The following GARRE1 variants were observed in gnomAD, a reference collection of about 807,000 sequenced individuals.
The protein encoded by GARRE1 is granule associated Rac and RHOG effector 1.
GARRE1 carries 49 observed loss-of-function variants against 103.2 expected under a neutral mutation model. That is an observed-to-expected ratio of 0.47 (90% confidence interval 0.38 to 0.60). The LOEUF (loss-of-function observed/expected upper bound fraction) is 0.60. Among genes scored for constraint, GARRE1 ranks in the 20% least tolerant of loss-of-function variants. The pLI is 0.00. For missense variants in GARRE1, 1,199 were observed against 1,370.5 expected (o/e 0.87, Z 1.98); for synonymous variants, 505 against 532.8 (o/e 0.95, Z 0.72).
intron 7 of GARRE1, among the ~76,000 whole-genome samples, chr19:34,331,805 C>T (rs1264648691): frequency 6.6e-6 from 1 of 152,042 alleles, no homozygotes; most frequent in Non-Finnish European, 1.5e-5. Flanking sequence ...ACCAGCCTGG[C>T]CAATATGGCG....
intron 12 of GARRE1, among the ~76,000 whole-genome samples, chr19:34,350,399 C>T (rs768611220): frequency 1.3e-5 from 2 of 152,160 alleles, no homozygotes; most frequent in African/African-American, 2.4e-5. Flanking sequence ...ATGACTGATT[C>T]GACTTCTAAG....
chr19:34,349,063 G>A lies in GARRE1; in HGVS notation c.2735G>A (p.Ser912Asn), dbSNP rs1411530569. 1.9e-6 allele frequency: 3 copies of A among 1,612,568 alleles called. No homozygotes were observed. The African/African-American group carries it at 4.0e-5, about 22-fold the overall frequency. Residue 912 changes from serine to asparagine, a missense_variant, in exon 12 of 14, where the codon AGC becomes AAC. By Grantham distance (46) the Ser-to-Asn change is conservative (BLOSUM62 1). Coordinates refer to ENST00000299505, the MANE Select transcript of GARRE1 (RefSeq NM_014686.5). ...TCGGGTGCTCAGGGAGACTCTGCCA[G>A]CTCGAGTGATGAGACATCCTCAGCC... Reference protein sequence around the residue: ...GWSGAQGDSASSSDETSSANG... With the variant: ...GWSGAQGDSANSSDETSSANG...
intron 1 of GARRE1, among the ~76,000 whole-genome samples, chr19:34,263,516 T>C (rs1354603686): frequency 6.6e-6 from 1 of 151,580 alleles, no homozygotes; most frequent in Non-Finnish European, 1.5e-5. Context: ...CTTGCTCTGT[T>C]GCCTAGGCTG....
chr19:34,303,532 C>CT (rs1318710663), intron 2 of GARRE1, among the ~76,000 whole-genome samples: 1 of 152,220 alleles, frequency 6.6e-6, no homozygotes, highest in Non-Finnish European at 1.5e-5. Flanking sequence ...TGGTATAAAT[C>CT]AGGGTTTATC....
chr19:34,343,251 C>T (rs756934049), intron 10 of GARRE1, among the ~76,000 whole-genome samples: 20 of 151,980 alleles, frequency 1.3e-4, no homozygotes, highest in Non-Finnish European at 2.5e-4. Flanking sequence ...GCCAGGAGTT[C>T]GAGACCAGCC....
At chr19:34,340,894 ACCTGCCTCAGCT>A (rs2074182573) in intron 9 of GARRE1, among the ~76,000 whole-genome samples, 1 of 152,092 alleles carries the variant, frequency 6.6e-6, no homozygotes, top group Admixed American at 6.6e-5. Context: ...CACAGCCTTC[ACCTGCCTCAGCT>A]CCTGCCCCAT....
In GARRE1 at chr19:34,349,066, C is replaced by T. The variant is rs374939720; in HGVS notation, c.2738C>T (p.Ser913Leu). The part of the protein sequence containing the change: ...WSGAQGDSAS[S>L]SDETSSANGD... ...GGTGCTCAGGGAGACTCTGCCAGCT[C>T]GAGTGATGAGACATCCTCAGCCAAC... The change falls in exon 12 of 14, where the codon TCG (serine) becomes TTG (leucine). Residue 913 changes from serine to leucine, a missense_variant. Physicochemically the swap from Ser to Leu is moderately radical, Grantham distance 145 (BLOSUM62 -2). Transcript: ENST00000299505. 129 of 1,612,532 alleles carry T rather than the reference C, an allele frequency of 8.0e-5. 3 individuals are homozygous for T. The highest frequency in any genetic ancestry group is 3.1e-4 in the South Asian group (28 of 91,076).
intron 3 of GARRE1, among the ~76,000 whole-genome samples, chr19:34,326,507 T>C (rs1483248696): frequency 2.0e-5 from 3 of 152,230 alleles, no homozygotes; most frequent in East Asian, 3.8e-4. Context: ...GTTTCTCCTT[T>C]TCTATCTTGC....
At chr19:34,295,520 T>G (rs1349509225) in intron 1 of GARRE1, among the ~76,000 whole-genome samples, 2 of 150,790 alleles carry the variant, frequency 1.3e-5, no homozygotes, top group Non-Finnish European at 3.0e-5. Context: ...TCTTGGTGTT[T>G]TGTTTTGTTT....
chr19:34,281,695 A>G (rs2073854967), intron 1 of GARRE1, among the ~76,000 whole-genome samples: 1 of 152,228 alleles, frequency 6.6e-6, no homozygotes, highest in South Asian at 2.1e-4. Context: ...ATGGGATTAC[A>G]GATGTGAAGC....
intron 2 of GARRE1, among the ~76,000 whole-genome samples, chr19:34,309,912 GAA>G (rs2074029034): frequency 6.6e-6 from 1 of 152,174 alleles, no homozygotes; most frequent in Admixed American, 6.5e-5. Flanking sequence ...CAAAAAAAAT[GAA>G]GAGAGTAAAA....
Position 34,337,807 on chromosome 19 carries a change from G to A in GARRE1, c.1362-2060G>A, listed in dbSNP as rs990350918. Among the ~76,000 whole-genome samples, 8 of 152,198 alleles carry A rather than the reference G, an allele frequency of 5.3e-5. 1 individual carries two copies. Among genetic ancestry groups the A allele is most frequent in the African/African-American group, 1.4e-4 (6 of 41,454 alleles). On this transcript the variant is annotated intron_variant, in intron 8 of 13. Coordinates refer to ENST00000299505, the MANE Select transcript of GARRE1 (RefSeq NM_014686.5). ...TTAATTATCATCACCAGGAGCTGTA[G>A]TACTCTTTTCTACATGGCCAACAAA...
chr19:34,350,510 A>G (rs2074231135), intron 12 of GARRE1, among the ~76,000 whole-genome samples: 1 of 152,190 alleles, frequency 6.6e-6, no homozygotes, highest in Non-Finnish European at 1.5e-5. Context: ...ACCTTGTAAC[A>G]GACTTTCATG....
intron 1 of GARRE1, among the ~76,000 whole-genome samples, chr19:34,255,192 C>G (rs1002487003): frequency 6.6e-6 from 1 of 151,966 alleles, no homozygotes; most frequent in African/African-American, 2.4e-5. Flanking sequence ...GGGGAGGGTC[C>G]GCGGGGACCG....
chr19:34,281,446 A>G lies in GARRE1; in HGVS notation c.-795-18233A>G, dbSNP rs1025755097. 6.6e-5 allele frequency among the ~76,000 whole-genome samples: 10 copies of G among 152,140 alleles called. No homozygotes were observed. In the East Asian group the frequency reaches 1.2e-3, roughly 18 times the overall value. ...GCTGGGACTACAGACGCCTGCCACT[A>G]TGCCTGGCTAATTTTTGTATTTTTA... On this transcript the variant is annotated intron_variant, in intron 1 of 13. Coordinates refer to ENST00000299505, the MANE Select transcript of GARRE1 (RefSeq NM_014686.5).
chr19:34,259,885 A>C (rs1260158482), intron 1 of GARRE1, among the ~76,000 whole-genome samples: 1 of 152,180 alleles, frequency 6.6e-6, no homozygotes, highest in Admixed American at 6.5e-5. Flanking sequence ...TTCTCACAAG[A>C]TCTGATGGCT....
chr19:34,341,914 G>A lies in GARRE1; in HGVS notation c.1980G>A (p.Gln660=). Residue 660 remains glutamine, a synonymous_variant, in exon 10 of 14, where the codon CAG becomes CAA. Coordinates refer to ENST00000299505, the MANE Select transcript of GARRE1 (RefSeq NM_014686.5). ...IDFLSGFNMG[Q]SHQGSPLVTR... is the part of the protein sequence containing the mutation. ...TTCTCTCGGGCTTTAACATGGGCCA[G>A]TCACATCAGGGCTCTCCGTTGGTGA... is the stretch of plus-strand genomic sequence containing the variant. The A allele has an allele frequency of 6.8e-6, 11 of 1,614,220 alleles. No homozygotes were observed. The highest frequency in any genetic ancestry group is 9.3e-6 in the Non-Finnish European group (11 of 1,180,042).
At chr19:34,301,087 G>A (rs1052346063) in intron 2 of GARRE1, 119 bp downstream of exon 2, 52 of 1,091,076 alleles carry the variant, frequency 4.8e-5, no homozygotes, top group Non-Finnish European at 6.2e-5. Context: ...CTTGCTGTTG[G>A]TACTCTGTCT....
At chr19:34,281,197 T>C (rs1352445582) in intron 1 of GARRE1, among the ~76,000 whole-genome samples, 1 of 152,192 alleles carries the variant, frequency 6.6e-6, no homozygotes, top group Non-Finnish European at 1.5e-5. Context: ...GTTGGCTCAC[T>C]GCAGCCTCCA....
Sources: allele counts gnomAD v4.1 joint callset (sites outside exome capture counted in the v4.1 genomes callset), GRCh38; gene constraint gnomAD v4.1.1; transcripts MANE v1.5; gene names NCBI Gene and HGNC (gene_info 2026-07-23, HGNC 2026-07-21).